The following DSCAM variants were observed in gnomAD, a reference collection of about 807,000 sequenced individuals.
DSCAM encodes the protein cell adhesion molecule DSCAM.
DSCAM carries 47 observed loss-of-function variants against 217.7 expected under a neutral mutation model. The ratio of observed to expected loss-of-function variants is 0.22; its 90% CI spans 0.17 to 0.28. The LOEUF (loss-of-function observed/expected upper bound fraction) is 0.28. Ranked by LOEUF, DSCAM falls within the 10% of genes least tolerant of loss-of-function variation. The pLI is 1.00. For missense variants in DSCAM, 2,080 were observed against 2,618.3 expected, an observed-to-expected ratio of 0.79 and a Z score of 4.49; for synonymous variants, 1,056 against 1,015.3, an observed-to-expected ratio of 1.04 and a Z score of -0.76.
intron 20 of DSCAM, among the ~76,000 whole-genome samples, chr21:40,121,711 A>G (rs1331801292): frequency 1.8e-5 from 1 of 56,840 alleles, no homozygotes; most frequent in Non-Finnish European, 3.6e-5. Context: ...TTTTTTTGAG[A>G]CAGAGTCTTG....
chr21:40,158,078 A>T (rs1414821342), intron 16 of DSCAM, among the ~76,000 whole-genome samples: 5 of 152,206 alleles, frequency 3.3e-5, no homozygotes, highest in Admixed American at 6.5e-5. Flanking sequence ...GGTATTTGCG[A>T]GGAGAATATT....
At chr21:40,152,414 C>T (rs2090433103) in intron 16 of DSCAM, among the ~76,000 whole-genome samples, 1 of 152,216 alleles carries the variant, frequency 6.6e-6, no homozygotes, top group Non-Finnish European at 1.5e-5. Flanking sequence ...CTTTACTCCC[C>T]CATTCATTTG....
chr21:40,590,621 T>TA (rs5844022), intron 3 of DSCAM, among the ~76,000 whole-genome samples: 6,483 of 152,286 alleles, frequency 0.043, 176 homozygotes, highest in Middle Eastern at 0.13. Context: ...ATAGCAATAA[T>TA]AATGTCACTT....
chr21:40,693,714 G>A (rs182752647), intron 2 of DSCAM, among the ~76,000 whole-genome samples: 1 of 152,228 alleles, frequency 6.6e-6, no homozygotes, highest in East Asian at 1.9e-4. Context: ...CAGTTGCAAA[G>A]CAGTTTGGGA....
intron 3 of DSCAM, among the ~76,000 whole-genome samples, chr21:40,522,638 G>T (rs2076367927): frequency 6.6e-6 from 1 of 152,082 alleles, no homozygotes; most frequent in Admixed American, 6.6e-5. Context: ...TTCCTTGAAA[G>T]GGAAACAGAA....
intron 11 of DSCAM, among the ~76,000 whole-genome samples, chr21:40,223,346 G>A (rs997399531): frequency 2.0e-5 from 3 of 152,206 alleles, no homozygotes; most frequent in African/African-American, 7.2e-5. Context: ...GAGCCACGTT[G>A]AACTTGCCAT....
At chr21:40,192,944 A>G (rs187757168) in intron 11 of DSCAM, among the ~76,000 whole-genome samples, 29 of 152,290 alleles carry the variant, frequency 1.9e-4, no homozygotes, top group Admixed American at 1.9e-3. Flanking sequence ...GATTCCTAGA[A>G]GTGGAACTAC....
chr21:40,165,271 AT>A (rs2090581690), intron 16 of DSCAM, among the ~76,000 whole-genome samples: 1 of 152,202 alleles, frequency 6.6e-6, no homozygotes, highest in Admixed American at 6.5e-5. Flanking sequence ...TATACTTAAG[AT>A]TTCGTGTAAT....
chr21:40,203,866 A>T (rs1051650129), intron 11 of DSCAM, among the ~76,000 whole-genome samples: 3 of 152,222 alleles, frequency 2.0e-5, no homozygotes, highest in Non-Finnish European at 4.4e-5. Flanking sequence ...GATCATACAG[A>T]TTTAAAAATT....
intron 11 of DSCAM, among the ~76,000 whole-genome samples, chr21:40,255,965 C>T (rs1470488511): frequency 6.6e-6 from 1 of 152,188 alleles, no homozygotes; most frequent in African/African-American, 2.4e-5. Context: ...AGCAGAGAAA[C>T]CAGCCAAGCC....
At chr21:40,597,458 G>GT (rs533148918) in intron 3 of DSCAM, among the ~76,000 whole-genome samples, 2,596 of 101,192 alleles carry the variant, frequency 0.026, 65 homozygotes, top group African/African-American at 0.082. Flanking sequence ...TTGCAAGCCG[G>GT]TTTTTTTTTT....
At chr21:40,233,035 C>G (rs1485652581) in intron 11 of DSCAM, among the ~76,000 whole-genome samples, 2 of 152,086 alleles carry the variant, frequency 1.3e-5, no homozygotes, top group Middle Eastern at 6.8e-3. Flanking sequence ...AATCTCTTCA[C>G]GTGAGATAAC....
At position 40,655,167 on chromosome 21, in the gene DSCAM, T is replaced by A. The variant is rs551862318; in HGVS notation, c.508+37643A>T. On this transcript the variant is annotated intron_variant, in intron 3 of 32. Transcript: ENST00000400454. The stretch of plus-strand genomic sequence containing the variant: ...TTGACAGCAACTAGACATATTAGGA[T>A]TCTGACTCTCTTCTCTACCCTGCTT... 5.3e-5 allele frequency among the ~76,000 whole-genome samples: 8 copies of A among 152,302 alleles called. No homozygotes were observed. In the South Asian group the frequency reaches 1.7e-3, roughly 32 times the overall value.
chr21:40,489,802 T>A (rs868467606), intron 3 of DSCAM, among the ~76,000 whole-genome samples: 3,070 of 63,940 alleles, frequency 0.048, 2 homozygotes, highest in Middle Eastern at 0.07. Flanking sequence ...AAAAAAAAAA[T>A]AAGTACCATT....
intron 11 of DSCAM, among the ~76,000 whole-genome samples, chr21:40,257,840 A>G (rs2073395308): frequency 6.6e-6 from 1 of 152,166 alleles, no homozygotes; most frequent in Admixed American, 6.6e-5. Flanking sequence ...TGTGATGACA[A>G]TGACAACACT....
At chr21:40,053,524 T>C (rs1209893727) in intron 29 of DSCAM, among the ~76,000 whole-genome samples, 1 of 152,210 alleles carries the variant, frequency 6.6e-6, no homozygotes, top group Non-Finnish European at 1.5e-5. Flanking sequence ...ACACTTTTCA[T>C]GGAAAATTTT....
intron 3 of DSCAM, among the ~76,000 whole-genome samples, chr21:40,442,721 G>A (rs948137045): frequency 3.3e-5 from 5 of 151,714 alleles, no homozygotes; most frequent in Non-Finnish European, 7.4e-5. Flanking sequence ...CATATTGGCC[G>A]GGCTGGTCCC....
chr21:40,685,440 A>G (rs759233678), intron 3 of DSCAM, among the ~76,000 whole-genome samples: 6 of 152,148 alleles, frequency 3.9e-5, no homozygotes, highest in Non-Finnish European at 5.9e-5. Flanking sequence ...TACCAAACAT[A>G]CCAGGGTGCC....
chr21:40,188,542 C>T (rs959261467), intron 12 of DSCAM, among the ~76,000 whole-genome samples: 3 of 152,216 alleles, frequency 2.0e-5, no homozygotes, highest in Non-Finnish European at 4.4e-5. Flanking sequence ...ATCCTCCAAC[C>T]GCATGACAAC....
Sources: allele counts gnomAD v4.1 joint callset (sites outside exome capture counted in the v4.1 genomes callset), GRCh38; gene constraint gnomAD v4.1.1; transcripts MANE v1.5; gene names NCBI Gene and HGNC (gene_info 2026-07-23, HGNC 2026-07-21).